Variants in NBEA observed in about 807,000 individuals in gnomAD.
NBEA encodes neurobeachin, also known as lysosomal-trafficking regulator 2.
Under a neutral mutation model 343.4 loss-of-function variants are expected in NBEA, and 44 were observed. The ratio of observed to expected loss-of-function variants is 0.13; its 90% CI spans 0.10 to 0.16. The LOEUF is 0.16. Ranked by LOEUF, NBEA falls within the 10% of genes least tolerant of loss-of-function variation. The probability of loss-of-function intolerance (pLI) is 1.00; values close to 1 mark genes in which losing one functional copy is unlikely to be tolerated. For synonymous variants in NBEA, 1,175 were observed against 1,238.7 expected, an observed-to-expected ratio of 0.95 and a Z score of 1.08; for missense variants, 2,555 against 3,631.3, an observed-to-expected ratio of 0.70 and a Z score of 7.62.
At chr13:35,249,896 T>A (rs2031749849) in intron 34 of NBEA, among the ~76,000 whole-genome samples, 2 of 152,182 alleles carry the variant, frequency 1.3e-5, no homozygotes, top group Admixed American at 6.5e-5. Context: ...GGTATTCACT[T>A]AATAAAAAGG....
intron 41 of NBEA, among the ~76,000 whole-genome samples, chr13:35,533,501 G>A (rs989266566): frequency 5.3e-5 from 8 of 151,972 alleles, no homozygotes; most frequent in Admixed American, 5.2e-4. Context: ...TTCCTCAATG[G>A]AATTTCCTCC....
At chr13:35,073,163 C>T (rs2063949315) in intron 10 of NBEA, among the ~76,000 whole-genome samples, 1 of 152,052 alleles carries the variant, frequency 6.6e-6, no homozygotes, top group Non-Finnish European at 1.5e-5. Flanking sequence ...TGGGATTTCT[C>T]CCTCTATTTG....
chr13:35,146,917 G>A (rs563388091), intron 18 of NBEA, among the ~76,000 whole-genome samples: 13 of 152,230 alleles, frequency 8.5e-5, no homozygotes, highest in African/African-American at 3.1e-4. Flanking sequence ...TCTGATGTCA[G>A]GTGCTGACTG....
At chr13:35,360,636 G>T (rs2040757714) in intron 38 of NBEA, among the ~76,000 whole-genome samples, 1 of 151,870 alleles carries the variant, frequency 6.6e-6, no homozygotes, top group Non-Finnish European at 1.5e-5. Context: ...TGAATAGACT[G>T]ATAGATCTCA....
At chr13:35,020,665 G>A (rs910534410) in intron 1 of NBEA, among the ~76,000 whole-genome samples, 10 of 152,128 alleles carry the variant, frequency 6.6e-5, no homozygotes, top group Non-Finnish European at 8.8e-5. Context: ...CTACAGCTGC[G>A]TGCCACCACA....
intron 33 of NBEA, among the ~76,000 whole-genome samples, chr13:35,213,766 AC>A (rs1226312863): frequency 6.6e-6 from 1 of 151,822 alleles, no homozygotes; most frequent in Non-Finnish European, 1.5e-5. Flanking sequence ...TATTGTTCAA[AC>A]TCAATAAAAA....
chr13:35,462,380 G>C (rs1325978211), intron 40 of NBEA, among the ~76,000 whole-genome samples: 3 of 152,190 alleles, frequency 2.0e-5, no homozygotes, highest in Non-Finnish European at 4.4e-5. Flanking sequence ...CTTGAGTCTT[G>C]AAAAATAAGT....
At chr13:35,167,144 G>T (rs2070100241) in intron 24 of NBEA, among the ~76,000 whole-genome samples, 1 of 151,984 alleles carries the variant, frequency 6.6e-6, no homozygotes, top group Admixed American at 6.6e-5. Flanking sequence ...TATGGGGCCA[G>T]ATGGGAAATA....
chr13:35,437,175 G>A (rs2045487390), intron 39 of NBEA, among the ~76,000 whole-genome samples: 1 of 151,994 alleles, frequency 6.6e-6, no homozygotes. Flanking sequence ...TTAAATTACA[G>A]TTGCATTTTC....
intron 17 of NBEA, among the ~76,000 whole-genome samples, chr13:35,133,106 TTATC>T (rs2152687070): frequency 6.6e-6 from 1 of 152,218 alleles, no homozygotes; most frequent in African/African-American, 2.4e-5. Context: ...TATTTGCAGT[TTATC>T]TAGGATACAG....
rs112918760 is a variant in NBEA at position 35,194,913 on chromosome 13, T to C, written c.4928-951T>C. Among the ~76,000 whole-genome samples, 9 of 152,198 alleles carry C rather than the reference T, an allele frequency of 5.9e-5. 1 individual carries two copies. Among genetic ancestry groups the C allele is most frequent in the African/African-American group, 2.2e-4 (9 of 41,570 alleles). On this transcript the variant is annotated intron_variant, in intron 30 of 58. Coordinates refer to ENST00000379939, the MANE Select transcript of NBEA (RefSeq NM_001385012.1). ...GATTTAATTTTCACAAATTGAAATT[T>C]ATATTTATTTACAAAGAATGAGCAT...
intron 36 of NBEA, among the ~76,000 whole-genome samples, chr13:35,334,108 G>T (rs1218854882): frequency 6.6e-6 from 1 of 151,754 alleles, no homozygotes; most frequent in African/African-American, 2.4e-5. Flanking sequence ...TTAGTTTTTT[G>T]AGGAACCTCC....
chr13:35,648,866 T>TGGGGGAGGGGGGGG (rs1566458896), intron 51 of NBEA, among the ~76,000 whole-genome samples: 1 of 14,052 alleles, frequency 7.1e-5, no homozygotes, highest in Admixed American at 8.4e-4. Context: ...GTCATGGGGG[T>TGGGGGAGGGGGGGG]GGGGGTGGTG....
At chr13:35,580,484 T>G (rs1346362747) in intron 45 of NBEA, among the ~76,000 whole-genome samples, 3 of 152,324 alleles carry the variant, frequency 2.0e-5, no homozygotes, top group African/African-American at 4.8e-5. Flanking sequence ...CTAAAATTTT[T>G]GAAGTATAGC....
chr13:35,200,898 A>G (rs1040084606), intron 31 of NBEA, among the ~76,000 whole-genome samples: 1 of 152,014 alleles, frequency 6.6e-6, no homozygotes, highest in Non-Finnish European at 1.5e-5. Context: ...AAATATTTTT[A>G]AAAATATTGA....
chr13:35,467,782 A>T (rs1335442727), intron 40 of NBEA, among the ~76,000 whole-genome samples: 1 of 152,242 alleles, frequency 6.6e-6, no homozygotes, highest in East Asian at 1.9e-4. Flanking sequence ...CTGAGCATGT[A>T]GTTTCCAAGT....
At chr13:35,336,043 T>C (rs1359832304) in intron 36 of NBEA, among the ~76,000 whole-genome samples, 3 of 151,920 alleles carry the variant, frequency 2.0e-5, no homozygotes, top group Admixed American at 1.3e-4. Context: ...ATCTGGGAGG[T>C]TTTTTCTATC....
At chr13:35,135,001 A>G (rs925342800) in intron 17 of NBEA, among the ~76,000 whole-genome samples, 1 of 152,016 alleles carries the variant, frequency 6.6e-6, no homozygotes, top group Non-Finnish European at 1.5e-5. Context: ...TTATGTGTTC[A>G]TTCATTCGGT....
chr13:35,182,756 T>C (rs1490723102), intron 29 of NBEA, among the ~76,000 whole-genome samples: 1 of 151,918 alleles, frequency 6.6e-6, no homozygotes, highest in Non-Finnish European at 1.5e-5. Context: ...GTTTCAGTGT[T>C]TCTCATTTAT....
Sources: allele counts gnomAD v4.1 joint callset (sites outside exome capture counted in the v4.1 genomes callset), GRCh38; gene constraint gnomAD v4.1.1; transcripts MANE v1.5; gene names NCBI Gene and HGNC (gene_info 2026-07-23, HGNC 2026-07-21).